NEDD4L: variants seen among roughly 807,000 people sequenced by gnomAD.
NEDD4L encodes the protein NEDD4 like E3 ubiquitin protein ligase, also known as E3 ubiquitin-protein ligase NEDD4-like.
Under a neutral mutation model 148.9 loss-of-function variants are expected in NEDD4L, and 54 were observed. The observed-to-expected ratio is 0.36, with a 90% CI of 0.29 to 0.45. The LOEUF (loss-of-function observed/expected upper bound fraction) is 0.45, where lower values mean the gene tolerates loss of function less well. NEDD4L is among the 20% of genes least tolerant of loss of function. NEDD4L has a pLI of 1.00. For synonymous variants in NEDD4L, 433 were observed against 440.7 expected (o/e 0.98, Z 0.22); for missense variants, 856 against 1,233.8 (o/e 0.69, Z 4.59).
In NEDD4L at chr18:58,383,275, G is replaced by GT; in HGVS notation, c.2383dup (p.Ser795PhefsTer8). 6.5e-7 allele frequency: 1 copy of GT among 1,542,748 alleles called. No individual in the cohort carries two copies. The highest frequency in any genetic ancestry group is 1.7e-4 in the Middle Eastern group (1 of 5,886). On this transcript the variant is annotated frameshift_variant, in exon 25 of 31. Transcript: ENST00000400345. LOFTEE classifies it high-confidence loss of function. ...ATCAAGTGGATTTGAAGCCCAATGGGTCAGAAATAATGGTCACAAATGAAA... is the reference window on the plus strand; with the variant it reads ...ATCAAGTGGATTTGAAGCCCAATGGGTTCAGAAATAATGGTCACAAATGAAA...
At chr18:58,220,764 T>C (rs145906155) in intron 2 of NEDD4L, among the ~76,000 whole-genome samples, 1 of 152,250 alleles carries the variant, frequency 6.6e-6, no homozygotes, top group East Asian at 1.9e-4. Context: ...GGGTGTGACT[T>C]CTTCCAGCAA....
At chr18:58,185,802 G>A (rs1243550862) in intron 2 of NEDD4L, among the ~76,000 whole-genome samples, 2 of 152,126 alleles carry the variant, frequency 1.3e-5, no homozygotes, top group African/African-American at 4.8e-5. Context: ...GAACCCAGGA[G>A]GCAGAGGTTG....
intron 2 of NEDD4L, among the ~76,000 whole-genome samples, chr18:58,201,722 C>T (rs150843625): frequency 1.0e-3 from 157 of 152,280 alleles, no homozygotes; most frequent in African/African-American, 3.7e-3. Flanking sequence ...TGGGATTATC[C>T]CTCCTCCATT....
At chr18:58,185,054 C>T (rs766128315) in intron 2 of NEDD4L, among the ~76,000 whole-genome samples, 6 of 152,232 alleles carry the variant, frequency 3.9e-5, no homozygotes, top group African/African-American at 9.6e-5. Context: ...CAGCACCAGG[C>T]GTGCACGGCG....
intron 5 of NEDD4L, chr18:58,255,539 G>A (rs1184925176): frequency 8.1e-7 from 1 of 1,231,432 alleles, no homozygotes; most frequent in Middle Eastern, 3.1e-4. Flanking sequence ...TTTGGCAGAT[G>A]GGACACTTTT....
At chr18:58,396,067 T>A in intron 30 of NEDD4L, 100 bp from the exon 31 acceptor site, 2 of 742,364 alleles carry the variant, frequency 2.7e-6, no homozygotes, top group East Asian at 5.6e-5. Context: ...AATTGTTGGT[T>A]AAGGCTTTTT....
intron 2 of NEDD4L, among the ~76,000 whole-genome samples, chr18:58,169,052 C>T (rs1011453862): frequency 2.6e-5 from 4 of 152,128 alleles, no homozygotes; most frequent in Non-Finnish European, 4.4e-5. Context: ...GCTCAGAGGC[C>T]GGGGGTTTCT....
At chr18:58,130,812 A>G (rs575337) in intron 1 of NEDD4L, among the ~76,000 whole-genome samples, 21 of 131,092 alleles carry the variant, frequency 1.6e-4, no homozygotes, top group Admixed American at 2.4e-4. Flanking sequence ...GTGATCTAGC[A>G]GAACTGTGGT....
chr18:58,174,331 A>C (rs2037856405), intron 2 of NEDD4L, among the ~76,000 whole-genome samples: 1 of 152,050 alleles, frequency 6.6e-6, no homozygotes. Flanking sequence ...ATCAATCAGG[A>C]AAGGGTGGGC....
Position 58,195,865 on chromosome 18 carries a change from C to T in NEDD4L, c.122+30004C>T, listed in dbSNP as rs188635870. On this transcript the variant is annotated intron_variant, in intron 2 of 30. Transcript: ENST00000400345. ...GGATTAGGGGGATTATTTGAACTTG[C>T]TTGCTTTCTTTTTAAAATGTCCATT... 24 of 465,314 alleles carry T rather than the reference C, an allele frequency of 5.2e-5. No individual in the cohort carries two copies. In the Admixed American group the frequency reaches 7.5e-4, roughly 15 times the overall value. 28.8% of individuals were successfully genotyped at this position (465,314 alleles called of 1,614,324 possible). A position where few individuals can be genotyped will look rare whatever the true frequency, so the allele number is the denominator to read the frequency against.
chr18:58,068,822 T>C (rs2082733218), intron 1 of NEDD4L, among the ~76,000 whole-genome samples: 1 of 152,132 alleles, frequency 6.6e-6, no homozygotes, highest in Non-Finnish European at 1.5e-5. Context: ...ACCCTCCAGG[T>C]CCTTCATGCT....
intron 1 of NEDD4L, among the ~76,000 whole-genome samples, chr18:58,107,722 G>GAAAAAAAAAA (rs768414076): frequency 3.0e-5 from 4 of 133,692 alleles, no homozygotes; most frequent in African/African-American, 1.1e-4. Flanking sequence ...CCTGTCTCCA[G>GAAAAAAAAAA]AAAAAAAAAA....
intron 2 of NEDD4L, among the ~76,000 whole-genome samples, chr18:58,215,213 G>A (rs765114220): frequency 3.7e-4 from 57 of 152,332 alleles, no homozygotes; most frequent in Admixed American, 1.4e-3. Flanking sequence ...GTTCATAGAC[G>A]TTGGGAAATT....
chr18:58,373,135 G>GA (rs1555854995), intron 23 of NEDD4L, 39 bp from the exon 24 acceptor site: 2 of 1,168,396 alleles, frequency 1.7e-6, no homozygotes, highest in Non-Finnish European at 2.5e-6. Context: ...GTATTTTGGG[G>GA]AAAAAATGCT....
intron 5 of NEDD4L, among the ~76,000 whole-genome samples, chr18:58,310,608 C>A (rs894101230): frequency 3.9e-5 from 6 of 152,212 alleles, no homozygotes; most frequent in Admixed American, 3.9e-4. Flanking sequence ...TTATGCAACG[C>A]CCAGCGTGGG....
At chr18:58,193,666 T>A (rs187265551) in intron 2 of NEDD4L, among the ~76,000 whole-genome samples, 1 of 152,210 alleles carries the variant, frequency 6.6e-6, no homozygotes, top group Admixed American at 6.5e-5. Context: ...GACCTAGATA[T>A]ATTCACCAGA....
At chr18:58,121,616 C>G (rs1448402310) in intron 1 of NEDD4L, among the ~76,000 whole-genome samples, 2 of 152,104 alleles carry the variant, frequency 1.3e-5, no homozygotes, top group African/African-American at 4.8e-5. Flanking sequence ...ACTGTGTTGC[C>G]CAGGCTGGTC....
intron 18 of NEDD4L, among the ~76,000 whole-genome samples, chr18:58,354,981 T>A (rs2044399170): frequency 6.6e-6 from 1 of 152,124 alleles, no homozygotes. Context: ...GCAGCATTGC[T>A]CCAAACAGCT....
chr18:58,293,492 A>G (rs2055074517), intron 5 of NEDD4L, among the ~76,000 whole-genome samples: 1 of 152,244 alleles, frequency 6.6e-6, no homozygotes, highest in Non-Finnish European at 1.5e-5. Context: ...AAGGCACAGC[A>G]ATTTTAATAA....
Sources: allele counts gnomAD v4.1 joint callset (sites outside exome capture counted in the v4.1 genomes callset), GRCh38; gene constraint gnomAD v4.1.1; transcripts MANE v1.5; gene names NCBI Gene and HGNC (gene_info 2026-07-23, HGNC 2026-07-21).